The following UBR2 variants were observed in gnomAD, a reference collection of about 807,000 sequenced individuals.
The protein encoded by UBR2 is E3 ubiquitin-protein ligase UBR2.
Under a neutral mutation model 247.9 loss-of-function variants are expected in UBR2, and 92 were observed. The ratio of observed to expected loss-of-function variants is 0.37; its 90% CI spans 0.31 to 0.44. The LOEUF (loss-of-function observed/expected upper bound fraction) is 0.44, where lower values mean the gene tolerates loss of function less well. Ranked by LOEUF, UBR2 falls within the 20% of genes least tolerant of loss-of-function variation. UBR2 has a pLI of 1.00. For missense variants in UBR2, 1,613 were observed against 2,112.6 expected (o/e 0.76, Z 4.64); for synonymous variants, 672 against 693.5 (o/e 0.97, Z 0.49).
Position 42,666,229 on chromosome 6 carries a change from C to G in UBR2, c.3865C>G (p.Pro1289Ala). 6.2e-7 allele frequency: 1 copy of G among 1,611,914 alleles called. No individual in the cohort carries two copies. Among genetic ancestry groups the G allele is most frequent in the Non-Finnish European group, 8.5e-7 (1 of 1,179,074 alleles). The change falls in exon 34 of 47, where the codon CCT becomes GCT. Residue 1289 changes from proline to alanine, a missense_variant. Transcript: ENST00000372901. ...ATTACAGCTCCCTGAAGGGTTCAGG[C>G]CTGATTTTCGTCCTAAGTGAGTATA... ...DELQLPEGFR[P>A]DFRPKIPYSE...
At chr6:42,651,693 G>A (rs761129910) in intron 23 of UBR2, among the ~76,000 whole-genome samples, 2 of 151,936 alleles carry the variant, frequency 1.3e-5, no homozygotes, top group African/African-American at 4.8e-5. Context: ...GATTCTCCGC[G>A]TTGGCCAGGC....
rs1468796688 is a variant in UBR2 at position 42,665,428 on chromosome 6, C to G, written c.3718C>G (p.Gln1240Glu). The change falls in exon 33 of 47, where the codon CAA becomes GAA. Residue 1240 changes from glutamine to glutamate, a missense_variant. Physicochemically the swap from Gln to Glu is conservative, Grantham distance 29. This residue lies in a region of UBR2 where 1,524 missense variants were observed against 1,967.3 expected (regional missense o/e 0.77). Coordinates refer to ENST00000372901, the MANE Select transcript of UBR2 (RefSeq NM_001363705.2). ...TTCTAGCAGGTTAAATTTTTCAGAC[C>G]AACCAAATCTGACTCAGTGGATTAG... The part of the protein sequence containing the change: ...IFNNRLNFSD[Q>E]PNLTQWIRTI... 1.9e-6 allele frequency: 3 copies of G among 1,611,434 alleles called. No individual in the cohort carries two copies. In the African/African-American group the frequency reaches 4.0e-5, roughly 22 times the overall value.
At position 42,663,222 on chromosome 6, in the gene UBR2, C is replaced by T. The variant is rs1372551895; in HGVS notation, c.3537-36C>T. 4.8e-6 allele frequency: 7 copies of T among 1,465,264 alleles called. No homozygotes were observed. The East Asian group carries it at 7.7e-5, about 16-fold the overall frequency. 90.8% of individuals were successfully genotyped at this position (1,465,264 alleles called of 1,614,324 possible). A position where few individuals can be genotyped will look rare whatever the true frequency, so the allele number is the denominator to read the frequency against. ...TATGGCTGTCATTTATGTAAATTAC[C>T]ATTGTTTTGATACCTCATGTTCTCT... On this transcript the variant is annotated intron_variant, in intron 31 of 46. Coordinates refer to ENST00000372901, the MANE Select transcript of UBR2 (RefSeq NM_001363705.2).
intron 1 of UBR2, among the ~76,000 whole-genome samples, chr6:42,571,114 T>G (rs1791102386): frequency 1.3e-5 from 2 of 151,348 alleles, no homozygotes; most frequent in Non-Finnish European, 3.0e-5. Flanking sequence ...GCATCCATGC[T>G]AGCCTGTAGT....
At chr6:42,631,891 A>ATTTATATATATAT (rs752152787) in intron 11 of UBR2, among the ~76,000 whole-genome samples, 1 of 114,094 alleles carries the variant, frequency 8.8e-6, no homozygotes, top group African/African-American at 3.5e-5. Flanking sequence ...TATATATATA[A>ATTTATATATATAT]ATACAGGTTC....
At chr6:42,625,967 C>G (rs529335331) in intron 11 of UBR2, among the ~76,000 whole-genome samples, 1 of 152,044 alleles carries the variant, frequency 6.6e-6, no homozygotes, top group East Asian at 1.9e-4. Context: ...GCACCCGCCA[C>G]CATGCCTGGC....
chr6:42,601,783 T>G (rs73440618), intron 4 of UBR2, among the ~76,000 whole-genome samples: 3,522 of 151,994 alleles, frequency 0.023, 124 homozygotes, highest in African/African-American at 0.08. Context: ...AAAAATCTGC[T>G]TCTTACTGAG....
intron 4 of UBR2, among the ~76,000 whole-genome samples, chr6:42,597,732 C>A (rs565207444): frequency 5.3e-5 from 8 of 151,848 alleles, no homozygotes; most frequent in African/African-American, 1.9e-4. Flanking sequence ...TGGTCTCGAA[C>A]ATGGAGAAAC....
At position 42,636,999 on chromosome 6, in the gene UBR2, C is replaced by A. The variant is rs770421748; in HGVS notation, c.1675-12C>A. On this transcript the variant is annotated splice_polypyrimidine_tract_variant and intron_variant, in intron 14 of 46. Coordinates refer to ENST00000372901, the MANE Select transcript of UBR2 (RefSeq NM_001363705.2). The stretch of plus-strand genomic sequence containing the variant: ...CCTTTTGAGTAACTTACAGAAAAAC[C>A]CTCTTTTTTAGGAAAAAGTGTTAAT... 1 of 1,597,024 alleles carries A rather than the reference C, an allele frequency of 6.3e-7. No homozygotes were observed. The highest frequency in any genetic ancestry group is 1.1e-5 in the South Asian group (1 of 88,376).
Position 42,692,393 on chromosome 6 carries a change from G to A in UBR2, c.*1220G>A, listed in dbSNP as rs1296761851. On this transcript the variant is annotated 3_prime_UTR_variant, in exon 47 of 47. Coordinates refer to ENST00000372901, the MANE Select transcript of UBR2 (RefSeq NM_001363705.2). ...AGGCTTTTTATTCTTTTTGATCATT[G>A]TTCTTACTGAGGTGCCTTCCTAGAA... is the stretch of plus-strand genomic sequence containing the variant. 6.6e-6 allele frequency: 1 copy of A among 152,044 alleles called. No homozygotes were observed. The highest frequency in any genetic ancestry group is 1.9e-4 in the East Asian group (1 of 5,198). The allele number at this position is 152,044 out of a possible 1,614,324, so 9.4% of individuals were successfully genotyped here.
In UBR2 at chr6:42,644,351, T is replaced by C; in HGVS notation, c.2220+15T>C. The stretch of plus-strand genomic sequence containing the variant: ...TTACCCATAAGGTAAGAACGTGTTT[T>C]ATGAAACCACAACACATTGCTAAAG... On this transcript the variant is annotated intron_variant, in intron 19 of 46. Coordinates refer to ENST00000372901, the MANE Select transcript of UBR2 (RefSeq NM_001363705.2). 1 of 1,610,074 alleles carries C rather than the reference T, an allele frequency of 6.2e-7. No homozygotes were observed.
In UBR2 at chr6:42,615,167, A is replaced by G. The variant is rs201526792; in HGVS notation, c.1082A>G (p.Lys361Arg). 1.2e-6 allele frequency: 2 copies of G among 1,610,464 alleles called. No individual in the cohort carries two copies. Among genetic ancestry groups the G allele is most frequent in the Admixed American group, 1.7e-5 (1 of 59,590 alleles). ...GACAGACTGATGCTTAGTGATTCCA[A>G]ATTATGGAAAGGTGAATCTCTTAAC... is the stretch of plus-strand genomic sequence containing the variant. ...LVDRLMLSDSKLWKGARSVYH... is the reference protein window; with the variant it reads ...LVDRLMLSDSRLWKGARSVYH... Residue 361 changes from lysine (K) to arginine (R), a missense_variant, in exon 9 of 47, where the codon AAA becomes AGA. Around this residue, in one of 3 missense-constraint regions of UBR2, gnomAD observed 1,524 missense variants for 1,967.3 expected, o/e 0.77. Transcript: ENST00000372901.
In UBR2 at chr6:42,573,956, C is replaced by T. The variant is rs1417286282; in HGVS notation, c.301C>T (p.Arg101Cys). Residue 101 changes from arginine to cysteine, a missense_variant, in exon 2 of 47, where the codon CGT (arginine) becomes TGT (cysteine). Physicochemically the swap from Arg to Cys is radical, Grantham distance 180. Transcript: ENST00000372901. ...AAACAAACCTTCTCATCTTTGTGGT[C>T]GTGTTTTTAAAGTAGGAGAGCCTAC... is the stretch of plus-strand genomic sequence containing the variant. ...QANKPSHLCG[R>C]VFKVGEPTYS... 2 of 1,610,554 alleles carry T rather than the reference C, an allele frequency of 1.2e-6. No individual in the cohort carries two copies. The highest frequency in any genetic ancestry group is 1.7e-6 in the Non-Finnish European group (2 of 1,178,608).
At chr6:42,642,523 C>A in intron 18 of UBR2, 42 bp downstream of exon 18, 1 of 1,505,272 alleles carries the variant, frequency 6.6e-7, no homozygotes, top group Non-Finnish European at 9.2e-7. Context: ...TGTGGGGAAT[C>A]TTTGCTTCTT....
At chr6:42,669,343 A>C (rs1479496593) in intron 34 of UBR2, among the ~76,000 whole-genome samples, 2 of 152,238 alleles carry the variant, frequency 1.3e-5, no homozygotes. Context: ...CTAGGCGTTC[A>C]GTAAACCTAT....
intron 18 of UBR2, among the ~76,000 whole-genome samples, 162 bp downstream of exon 18, chr6:42,642,643 T>C (rs1203037726): frequency 2.0e-5 from 3 of 152,180 alleles, no homozygotes; most frequent in Non-Finnish European, 4.4e-5. Context: ...TTAGATCATT[T>C]CCATCTATAT....
Position 42,614,205 on chromosome 6 carries a change from A to AAAATATAT in UBR2, c.986-866_986-865insAAATATAT, listed in dbSNP as rs1562310782. On this transcript the variant is annotated intron_variant, in intron 8 of 46. Transcript: ENST00000372901. ...AAAAAAAAAAAAAAAAAAAAAAAAA[A>AAAATATAT]CTATATATATATACACACACACACA... 3.0e-4 allele frequency among the ~76,000 whole-genome samples: 8 copies of AAAATATAT among 26,612 alleles called. 1 individual carries two copies. The highest frequency in any genetic ancestry group is 4.7e-4 in the Non-Finnish European group (7 of 14,878). 17.5% of individuals were successfully genotyped at this position (26,612 alleles called of 152,430 possible).
chr6:42,568,918 G>A (rs137906707), intron 1 of UBR2, among the ~76,000 whole-genome samples: 51 of 152,136 alleles, frequency 3.4e-4, no homozygotes, highest in African/African-American at 1.1e-3. Flanking sequence ...TTTGAGCATC[G>A]TGTGGGCATG....
intron 4 of UBR2, among the ~76,000 whole-genome samples, chr6:42,598,354 C>G (rs1396194844): frequency 6.6e-6 from 1 of 152,114 alleles, no homozygotes; most frequent in Admixed American, 6.5e-5. Context: ...GTTGTTTTCC[C>G]ATTACAAACA....
Sources: allele counts gnomAD v4.1 joint callset (sites outside exome capture counted in the v4.1 genomes callset), GRCh38; gene constraint gnomAD v4.1.1; regional missense constraint gnomAD v4.1.1; transcripts MANE v1.5; gene names NCBI Gene and HGNC (gene_info 2026-07-23, HGNC 2026-07-21).